The following RANBP17 variants were observed in gnomAD, a reference collection of about 807,000 sequenced individuals.
RANBP17 encodes the protein RAN binding protein 17.
Under a neutral mutation model 141.2 loss-of-function variants are expected in RANBP17, and 158 were observed. The observed-to-expected ratio is 1.12, with a 90% CI of 0.98 to 1.28. RANBP17 has a LOEUF of 1.28. RANBP17 is among the 50% of genes most tolerant of loss of function. The pLI, the probability that RANBP17 is intolerant of heterozygous loss-of-function variation, is 0.00. For missense variants in RANBP17, 1,438 were observed against 1,290.7 expected (o/e 1.11, Z -1.75); for synonymous variants, 430 against 450.0 (o/e 0.96, Z 0.56).
intron 25 of RANBP17, among the ~76,000 whole-genome samples, chr5:171,289,638 C>T (rs1242635350): frequency 6.6e-6 from 1 of 152,120 alleles, no homozygotes; most frequent in Non-Finnish European, 1.5e-5. Context: ...ACACAGGAGG[C>T]TGAGGTGGAG....
intron 24 of RANBP17, among the ~76,000 whole-genome samples, chr5:171,257,175 A>T (rs1374030147): frequency 1.3e-5 from 2 of 152,210 alleles, no homozygotes; most frequent in Non-Finnish European, 2.9e-5. Flanking sequence ...AATGCTAGCA[A>T]ATCAAATCCA....
At position 170,878,088 on chromosome 5, in the gene RANBP17, TC is replaced by T; in HGVS notation, c.19-8del. On this transcript the variant is annotated splice_polypyrimidine_tract_variant and splice_region_variant and intron_variant, in intron 1 of 27. Coordinates refer to ENST00000523189, the MANE Select transcript of RANBP17 (RefSeq NM_022897.5). ...TTGAAGTAAAATGTTAATTTTTTTT[TC>T]TTTGAAGAGTTTGGCTGAATTGGAA... 6.5e-7 allele frequency: 1 copy of T among 1,541,738 alleles called. No individual in the cohort carries two copies. The highest frequency in any genetic ancestry group is 8.7e-7 in the Non-Finnish European group (1 of 1,145,342).
chr5:171,044,492 A>T (rs182147859), intron 14 of RANBP17, among the ~76,000 whole-genome samples: 26 of 152,152 alleles, frequency 1.7e-4, no homozygotes, highest in Admixed American at 1.1e-3. Context: ...AATTTTGTAG[A>T]GAATTTTAAT....
intron 19 of RANBP17, among the ~76,000 whole-genome samples, chr5:171,204,157 A>G (rs1425297984): frequency 1.3e-5 from 2 of 152,202 alleles, no homozygotes; most frequent in African/African-American, 2.4e-5. Flanking sequence ...AGGAGTAAGT[A>G]ATTTAAAGGA....
intron 25 of RANBP17, among the ~76,000 whole-genome samples, chr5:171,268,236 A>G (rs918391076): frequency 6.6e-6 from 1 of 152,234 alleles, no homozygotes; most frequent in African/African-American, 2.4e-5. Flanking sequence ...TCATTAATAT[A>G]GTGATGACAA....
chr5:170,924,747 T>C (rs982910667), intron 12 of RANBP17, 197 bp downstream of exon 12: 3 of 436,576 alleles, frequency 6.9e-6, no homozygotes, highest in African/African-American at 5.9e-5. Flanking sequence ...AGTTTTCCTC[T>C]ATAAGATTGA....
intron 25 of RANBP17, among the ~76,000 whole-genome samples, chr5:171,273,669 C>A (rs1047025144): frequency 1.2e-4 from 19 of 152,070 alleles, no homozygotes; most frequent in African/African-American, 3.9e-4. Context: ...ACACTGTATG[C>A]CTGGATACCA....
intron 14 of RANBP17, among the ~76,000 whole-genome samples, chr5:171,003,744 G>T (rs1313881676): frequency 6.6e-6 from 1 of 152,172 alleles, no homozygotes; most frequent in Admixed American, 6.5e-5. Context: ...AGTAATGAGG[G>T]CTGTCCCTGA....
chr5:171,066,221 A>C (rs986808535), intron 14 of RANBP17, among the ~76,000 whole-genome samples: 3 of 152,058 alleles, frequency 2.0e-5, no homozygotes, highest in African/African-American at 7.2e-5. Flanking sequence ...CATGCAATAC[A>C]TGGTTATTAA....
At chr5:171,180,247 C>T (rs1760786892) in intron 16 of RANBP17, among the ~76,000 whole-genome samples, 1 of 152,184 alleles carries the variant, frequency 6.6e-6, no homozygotes, top group Non-Finnish European at 1.5e-5. Context: ...AGCAAATGAT[C>T]TCTGGAGGAG....
chr5:171,241,001 C>G lies in RANBP17; in HGVS notation c.2496C>G (p.Ile832Met). The G allele has an allele frequency of 6.2e-7, 1 of 1,613,958 alleles. No individual in the cohort carries two copies. Among genetic ancestry groups the G allele is most frequent in the Non-Finnish European group, 8.5e-7 (1 of 1,179,884 alleles). Residue 832 changes from isoleucine to methionine, a missense_variant, in exon 23 of 28, where the codon ATC (isoleucine) becomes ATG (methionine). Ile to Met is a conservative substitution (Grantham distance 10). Coordinates refer to ENST00000523189, the MANE Select transcript of RANBP17 (RefSeq NM_022897.5). ...IYPMKLKGIS[I>M]CYSALKSALC... ...CAATGAAACTCAAGGGCATCTCCAT[C>G]TGCTATTCAGCTCTCAAGTCTGCCT... is the stretch of plus-strand genomic sequence containing the variant.
chr5:170,974,627 C>T (rs918174811), intron 14 of RANBP17, among the ~76,000 whole-genome samples: 1 of 152,170 alleles, frequency 6.6e-6, no homozygotes, highest in African/African-American at 2.4e-5. Flanking sequence ...CCTGTCCTTC[C>T]AGCAACCCTC....
At chr5:171,284,568 T>A (rs1041121412) in intron 25 of RANBP17, 1 of 152,190 alleles carries the variant, frequency 6.6e-6, no homozygotes, top group African/African-American at 2.4e-5. Context: ...TCAAGCAATC[T>A]GCCCACCTTG....
At chr5:171,169,208 A>C in intron 14 of RANBP17, among the ~76,000 whole-genome samples, 1 of 152,204 alleles carries the variant, frequency 6.6e-6, no homozygotes, top group African/African-American at 2.4e-5. Context: ...GAGGGAATAG[A>C]AGCTATGTTG....
intron 14 of RANBP17, among the ~76,000 whole-genome samples, chr5:171,011,900 G>T (rs1035563520): frequency 6.6e-6 from 1 of 151,582 alleles, no homozygotes; most frequent in African/African-American, 2.4e-5. Context: ...ATCTAACATC[G>T]TTTTGCTACC....
chr5:171,043,251 A>ACAT (rs1321253176), intron 14 of RANBP17, among the ~76,000 whole-genome samples: 3 of 152,224 alleles, frequency 2.0e-5, no homozygotes, highest in African/African-American at 7.2e-5. Flanking sequence ...GATTCCAGGA[A>ACAT]CATACATAGG....
intron 14 of RANBP17, among the ~76,000 whole-genome samples, chr5:171,113,162 A>G (rs145647095): frequency 1.8e-4 from 28 of 152,258 alleles, no homozygotes; most frequent in Middle Eastern, 6.8e-3. Context: ...TCACTAAACA[A>G]TCTCCTGCTG....
intron 9 of RANBP17, 42 bp from the exon 10 acceptor site, chr5:170,918,671 G>A (rs1322690646): frequency 6.5e-7 from 1 of 1,541,666 alleles, no homozygotes; most frequent in African/African-American, 1.4e-5. Flanking sequence ...TTGTCCATAG[G>A]TTGGCTTGTT....
intron 24 of RANBP17, among the ~76,000 whole-genome samples, chr5:171,251,675 G>A (rs1288838652): frequency 6.6e-6 from 1 of 152,120 alleles, no homozygotes; most frequent in East Asian, 1.9e-4. Context: ...AGGCAGTGGC[G>A]GCCCAGCGGG....
Sources: allele counts gnomAD v4.1 joint callset (sites outside exome capture counted in the v4.1 genomes callset), GRCh38; gene constraint gnomAD v4.1.1; transcripts MANE v1.5; gene names NCBI Gene and HGNC (gene_info 2026-07-23, HGNC 2026-07-21).